The following ROCK2 variants were observed in gnomAD, a reference collection of about 807,000 sequenced individuals.
ROCK2 encodes Rho associated coiled-coil containing protein kinase 2.
In ROCK2, 61 loss-of-function variants were observed where a neutral mutation model predicts 195.1. The observed-to-expected ratio is 0.31, with a 90% confidence interval of 0.25 to 0.39. The LOEUF (loss-of-function observed/expected upper bound fraction) is 0.39. Ranked by LOEUF, ROCK2 falls within the 10% of genes least tolerant of loss-of-function variation. ROCK2 has a pLI of 1.00. For synonymous variants in ROCK2, 504 were observed against 545.5 expected, an observed-to-expected ratio of 0.92 and a Z score of 1.06; for missense variants, 1,109 against 1,637.4, an observed-to-expected ratio of 0.68 and a Z score of 5.57.
At chr2:11,317,920 C>T (rs1668276487) in intron 1 of ROCK2, among the ~76,000 whole-genome samples, 1 of 151,850 alleles carries the variant, frequency 6.6e-6, no homozygotes, top group Admixed American at 6.6e-5. Context: ...CCAGCTTCAT[C>T]CATGTCCCTG....
intron 3 of ROCK2, among the ~76,000 whole-genome samples, chr2:11,258,560 A>G (rs1303296313): frequency 6.6e-6 from 1 of 151,426 alleles, no homozygotes; most frequent in African/African-American, 2.5e-5. Context: ...AAAACATTTA[A>G]AAGTGTGGAG....
At chr2:11,257,539 C>T (rs915632107) in intron 3 of ROCK2, among the ~76,000 whole-genome samples, 12 of 151,446 alleles carry the variant, frequency 7.9e-5, no homozygotes, top group Non-Finnish European at 1.5e-5. Context: ...CTGTGAGTTT[C>T]TTCGAGTTGC....
intron 1 of ROCK2, among the ~76,000 whole-genome samples, chr2:11,303,728 C>T (rs933516313): frequency 1.3e-5 from 2 of 152,100 alleles, no homozygotes; most frequent in Non-Finnish European, 1.5e-5. Flanking sequence ...TTTCTCCTCC[C>T]ATTCCCTTTA....
At position 11,208,436 on chromosome 2, in the gene ROCK2, T is replaced by G. The variant is rs754097125; in HGVS notation, c.2215A>C (p.Lys739Gln). Residue 739 changes from lysine (K) to glutamine (Q), a missense_variant, in exon 19 of 33, where the codon AAG (lysine) becomes CAG (glutamine). Lys to Gln is a moderately conservative substitution (Grantham distance 53). Coordinates refer to ENST00000315872, the MANE Select transcript of ROCK2 (RefSeq NM_004850.5). ...KSEAMKEMEK[K>Q]LLEERTLKQK... The stretch of plus-strand genomic sequence containing the variant: ...TTTAAAGTTCTTTCCTCCAAGAGCT[T>G]CTTCTCCATTTCTAGTATAATAAAA... 3 of 1,503,164 alleles carry G rather than the reference T, an allele frequency of 2.0e-6. No homozygotes were observed. Among genetic ancestry groups the G allele is most frequent in the East Asian group, 4.7e-5 (2 of 42,842 alleles). 93.1% of individuals were successfully genotyped at this position (1,503,164 alleles called of 1,614,324 possible).
chr2:11,196,104 A>C (rs1418433699), intron 27 of ROCK2, among the ~76,000 whole-genome samples: 2 of 152,192 alleles, frequency 1.3e-5, no homozygotes, highest in Non-Finnish European at 2.9e-5. Flanking sequence ...TCCTAAAAAA[A>C]CCGCACAGAA....
At chr2:11,338,998 C>T (rs1669022082) in intron 1 of ROCK2, among the ~76,000 whole-genome samples, 1 of 151,514 alleles carries the variant, frequency 6.6e-6, no homozygotes, top group Admixed American at 6.6e-5. Context: ...AAGGAGATTT[C>T]TGAGTTGGTA....
At chr2:11,324,953 C>T (rs369913102) in intron 1 of ROCK2, among the ~76,000 whole-genome samples, 8 of 152,224 alleles carry the variant, frequency 5.3e-5, no homozygotes, top group African/African-American at 1.4e-4. Flanking sequence ...TTTATCCATA[C>T]TTCTCATAAT....
intron 1 of ROCK2, among the ~76,000 whole-genome samples, chr2:11,291,706 C>A (rs899935997): frequency 3.3e-5 from 5 of 152,164 alleles, no homozygotes; most frequent in Non-Finnish European, 5.9e-5. Context: ...CTAAATGAGG[C>A]ACAAATTATC....
Position 11,202,097 on chromosome 2 carries a change from T to C in ROCK2, c.2574A>G (p.Gln858=). 1.2e-6 allele frequency: 2 copies of C among 1,613,880 alleles called. 1 individual carries two copies. Among genetic ancestry groups the C allele is most frequent in the South Asian group, 2.2e-5 (2 of 91,086 alleles). ...CGAGCTGATCCTGGAGCTCTTTCAT[T>C]TGCCCATCTGCATCCTGACGTTCTC... ...LRKERQDADG[Q]MKELQDQLEA... The change falls in exon 21 of 33, where the codon CAA becomes CAG. Residue 858 remains glutamine, a synonymous_variant. Coordinates refer to ENST00000315872, the MANE Select transcript of ROCK2 (RefSeq NM_004850.5).
chr2:11,203,806 T>A (rs1305527319), intron 20 of ROCK2, among the ~76,000 whole-genome samples: 2 of 152,188 alleles, frequency 1.3e-5, no homozygotes, highest in African/African-American at 4.8e-5. Flanking sequence ...ATGTGAGAGA[T>A]GCAATTTAAC....
chr2:11,268,001 T>C (rs1212926204), intron 3 of ROCK2, among the ~76,000 whole-genome samples: 2 of 151,884 alleles, frequency 1.3e-5, no homozygotes, highest in Non-Finnish European at 2.9e-5. Flanking sequence ...GATAAGGAGC[T>C]TGGAAATCAC....
At chr2:11,310,780 G>A (rs577120430) in intron 1 of ROCK2, among the ~76,000 whole-genome samples, 22 of 151,764 alleles carry the variant, frequency 1.4e-4, no homozygotes, top group African/African-American at 5.3e-4. Flanking sequence ...AACACACACT[G>A]ACCACAACAG....
At position 11,249,710 on chromosome 2, in the gene ROCK2, CA is replaced by C. The variant is rs755738345; in HGVS notation, c.412del (p.Trp138GlyfsTer31). 17 of 1,581,440 alleles carry C rather than the reference CA, an allele frequency of 1.1e-5. No individual in the cohort carries two copies. The highest frequency in any genetic ancestry group is 3.7e-5 in the South Asian group (3 of 82,006). Reference sequence around the variant, plus strand: ...AAAGGCCATAATATCTCTTTCTTCCCAAAAAAAGGCAGAATCTGATCTTTTT... The same window carrying C: ...AAAGGCCATAATATCTCTTTCTTCCCAAAAAAGGCAGAATCTGATCTTTTT... The part of the protein sequence containing the change: ...MIKRSDSAFF[W>X]EERDIMAFAN... On this transcript the variant is annotated frameshift_variant, in exon 4 of 33. Coordinates refer to ENST00000315872, the MANE Select transcript of ROCK2 (RefSeq NM_004850.5). LOFTEE classifies it high-confidence loss of function.
intron 32 of ROCK2, among the ~76,000 whole-genome samples, chr2:11,188,592 G>A (rs991419214): frequency 2.6e-5 from 4 of 151,492 alleles, no homozygotes; most frequent in African/African-American, 7.3e-5. Flanking sequence ...TTTATGAACT[G>A]TCAATTAATT....
chr2:11,344,751 C>G (rs916392872), upstream of ROCK2, among the ~76,000 whole-genome samples: 1 of 149,704 alleles, frequency 6.7e-6, no homozygotes, highest in East Asian at 1.9e-4. This position sits in a 1 kb window ranked among gnomAD's most constrained non-coding sequence, Gnocchi z 5.4. Context: ...CGCTTCCTCC[C>G]TTTCTTTCCC....
chr2:11,315,737 A>C (rs1223678247), intron 1 of ROCK2, among the ~76,000 whole-genome samples: 1 of 152,158 alleles, frequency 6.6e-6, no homozygotes, highest in African/African-American at 2.4e-5. Context: ...GGCAAGCTTC[A>C]CAGGGATTAA....
At chr2:11,224,584 G>C (rs992343770) in intron 6 of ROCK2, 124 bp from the exon 7 acceptor site, 1 of 801,770 alleles carries the variant, frequency 1.2e-6, no homozygotes, top group Non-Finnish European at 2.0e-6. Context: ...TATTCTACGG[G>C]CACAGAGTCC....
chr2:11,231,666 C>G (rs1665015475), intron 5 of ROCK2, among the ~76,000 whole-genome samples: 1 of 152,060 alleles, frequency 6.6e-6, no homozygotes, highest in African/African-American at 2.4e-5. Flanking sequence ...ATGTGACTCT[C>G]ACTCACATTT....
chr2:11,335,349 A>G (rs2148272874), intron 1 of ROCK2, among the ~76,000 whole-genome samples: 1 of 152,312 alleles, frequency 6.6e-6, no homozygotes, highest in South Asian at 2.1e-4. Context: ...AATTAAGGAT[A>G]AAGTGAGTAT....
Sources: allele counts gnomAD v4.1 joint callset (sites outside exome capture counted in the v4.1 genomes callset), GRCh38; gene constraint gnomAD v4.1.1; non-coding constraint Gnocchi (gnomAD v3.1); transcripts MANE v1.5; gene names NCBI Gene and HGNC (gene_info 2026-07-23, HGNC 2026-07-21).